The following PSD3 variants were observed in gnomAD, a reference collection of about 807,000 sequenced individuals.
PSD3 encodes PH and SEC7 domain-containing protein 3.
Under a neutral mutation model 105.5 loss-of-function variants are expected in PSD3, and 49 were observed. The observed-to-expected ratio is 0.46, with a 90% CI of 0.37 to 0.59. The LOEUF (loss-of-function observed/expected upper bound fraction) is 0.59. PSD3 is among the 20% of genes least tolerant of loss of function. The pLI, the probability that PSD3 is intolerant of heterozygous loss-of-function variation, is 0.00. For missense variants in PSD3, 1,561 were observed against 1,263.8 expected (o/e 1.24, Z -3.57); for synonymous variants, 557 against 457.8 (o/e 1.22, Z -2.77).
chr8:18,975,493 C>T (rs1824894001), intron 1 of PSD3, among the ~76,000 whole-genome samples: 1 of 152,032 alleles, frequency 6.6e-6, no homozygotes, highest in Non-Finnish European at 1.5e-5. Flanking sequence ...AACTATGGAA[C>T]TAGAGATAAG....
intron 1 of PSD3, among the ~76,000 whole-genome samples, chr8:19,019,364 T>C (rs1021185154): frequency 6.6e-6 from 1 of 152,218 alleles, no homozygotes; most frequent in Non-Finnish European, 1.5e-5. Flanking sequence ...CACTCCTCTT[T>C]ATTATCAATT....
intron 12 of PSD3, among the ~76,000 whole-genome samples, chr8:18,594,302 AATATATATTAT>A (rs1803903311): frequency 7.3e-5 from 1 of 13,606 alleles, no homozygotes; most frequent in Non-Finnish European, 1.5e-4. Context: ...TATATATAAT[AATATATATTAT>A]TATATATAAT....
chr8:18,651,269 T>A, intron 10 of PSD3, among the ~76,000 whole-genome samples: 1 of 152,172 alleles, frequency 6.6e-6, no homozygotes, highest in Non-Finnish European at 1.5e-5. Context: ...AAACCAATGA[T>A]ATAAAAACCT....
intron 9 of PSD3, among the ~76,000 whole-genome samples, chr8:18,722,122 C>T (rs748160849): frequency 6.6e-5 from 10 of 151,538 alleles, no homozygotes; most frequent in Non-Finnish European, 1.3e-4. Context: ...CGGTATTGAA[C>T]TTAAAAGTCT....
intron 1 of PSD3, among the ~76,000 whole-genome samples, chr8:18,976,718 C>T (rs942130677): frequency 6.6e-6 from 1 of 152,134 alleles, no homozygotes; most frequent in East Asian, 1.9e-4. Context: ...AATCACAGAT[C>T]GTACTATGTA....
At chr8:18,807,802 CT>C (rs1244701022) in intron 4 of PSD3, among the ~76,000 whole-genome samples, 2 of 152,138 alleles carry the variant, frequency 1.3e-5, no homozygotes, top group Admixed American at 1.3e-4. Flanking sequence ...CTACATCTTC[CT>C]TTATAGACTT....
At chr8:19,013,370 T>C (rs1269732530) in intron 1 of PSD3, among the ~76,000 whole-genome samples, 193 bp downstream of exon 1, 1 of 152,090 alleles carries the variant, frequency 6.6e-6, no homozygotes, top group Non-Finnish European at 1.5e-5. Flanking sequence ...AAGTTGACCC[T>C]GCTGGGCTCC....
At chr8:19,055,501 C>T (rs1828680332) in intron 1 of PSD3, among the ~76,000 whole-genome samples, 1 of 152,204 alleles carries the variant, frequency 6.6e-6, no homozygotes, top group African/African-American at 2.4e-5. Flanking sequence ...GATTCACCCG[C>T]CTCGGCCTCC....
At chr8:18,694,880 G>A (rs542556497) in intron 9 of PSD3, among the ~76,000 whole-genome samples, 1 of 152,136 alleles carries the variant, frequency 6.6e-6, no homozygotes, top group South Asian at 2.1e-4. Context: ...CTGATTCAAG[G>A]GATCCTTGGA....
chr8:18,922,336 T>C (rs972317458), intron 2 of PSD3, among the ~76,000 whole-genome samples: 1 of 152,186 alleles, frequency 6.6e-6, no homozygotes, highest in Non-Finnish European at 1.5e-5. Flanking sequence ...AAATGAATCA[T>C]AAATGGCTAA....
chr8:18,554,621 G>T (rs1016360999), intron 15 of PSD3, among the ~76,000 whole-genome samples: 1 of 152,036 alleles, frequency 6.6e-6, no homozygotes, highest in Non-Finnish European at 1.5e-5. Flanking sequence ...ACTTTTTAAG[G>T]CTTCTATGAA....
chr8:18,618,854 A>G lies in PSD3; in HGVS notation c.2410+13759T>C, dbSNP rs78632003. 3.7e-3 allele frequency among the ~76,000 whole-genome samples: 570 copies of G among 152,036 alleles called. 14 individuals are homozygous for G. The East Asian group carries it at 0.058, about 15-fold the overall frequency. On this transcript the variant is annotated intron_variant, in intron 11 of 15. Coordinates refer to ENST00000327040, the MANE Select transcript of PSD3 (RefSeq NM_015310.4). ...TGCTACCATGTTTGGCTAACTTTTT[A>G]TTCTTTTATTTTGTAGAGATGGGGT...
At chr8:18,647,789 T>A (rs1240553132) in intron 10 of PSD3, among the ~76,000 whole-genome samples, 1 of 152,134 alleles carries the variant, frequency 6.6e-6, no homozygotes, top group Non-Finnish European at 1.5e-5. Context: ...ATAATGGCAT[T>A]ACCCCCTTTA....
chr8:18,623,444 TCC>T (rs1356448821), intron 11 of PSD3, among the ~76,000 whole-genome samples: 5 of 41,160 alleles, frequency 1.2e-4, no homozygotes, highest in African/African-American at 3.6e-4. Flanking sequence ...AGCCCCCGTC[TCC>T]CCAAAAAAAA....
intron 10 of PSD3, among the ~76,000 whole-genome samples, chr8:18,644,474 A>T (rs2130810027): frequency 6.6e-6 from 1 of 152,236 alleles, no homozygotes; most frequent in East Asian, 1.9e-4. Context: ...TTACAAGGAC[A>T]GTCTTTACTC....
chr8:18,675,478 G>C (rs1800015480), intron 9 of PSD3, among the ~76,000 whole-genome samples: 1 of 152,112 alleles, frequency 6.6e-6, no homozygotes, highest in Non-Finnish European at 1.5e-5. Context: ...CCAGTGCCTT[G>C]GGGGGCATTT....
At chr8:18,939,845 C>T (rs528822445) in intron 1 of PSD3, among the ~76,000 whole-genome samples, 1 of 152,116 alleles carries the variant, frequency 6.6e-6, no homozygotes, top group African/African-American at 2.4e-5. Context: ...ATCATGACCA[C>T]ATTTTTATAT....
chr8:18,979,189 A>G (rs1825121124), intron 1 of PSD3, among the ~76,000 whole-genome samples: 1 of 152,082 alleles, frequency 6.6e-6, no homozygotes, highest in African/African-American at 2.4e-5. Flanking sequence ...GCCAGCACAT[A>G]GCCATCTTTG....
chr8:18,688,270 T>TTGTA (rs1332488918), intron 9 of PSD3, among the ~76,000 whole-genome samples: 1 of 151,866 alleles, frequency 6.6e-6, no homozygotes, highest in African/African-American at 2.4e-5. Flanking sequence ...GTTTGTTTGT[T>TTGTA]TGTTTTGGTA....
Sources: gnomAD v4.1 joint callset for allele counts (sites outside exome capture counted in the v4.1 genomes callset) on GRCh38, gnomAD v4.1.1 for gene constraint, MANE v1.5 for transcripts, NCBI Gene and HGNC (gene_info 2026-07-23, HGNC 2026-07-21) for gene names.